Variants in G2E3 observed in about 807,000 individuals in gnomAD.
G2E3 encodes G2/M phase-specific E3 ubiquitin-protein ligase.
A neutral mutation model predicts 92.8 loss-of-function variants in G2E3; 35 were observed. The observed-to-expected ratio is 0.38, with a 90% CI of 0.29 to 0.50. The LOEUF (loss-of-function observed/expected upper bound fraction) is 0.50. Among genes scored for constraint, G2E3 ranks in the 20% least tolerant of loss-of-function variants. The pLI is 0.94. For synonymous variants in G2E3, 242 were observed against 272.4 expected (o/e 0.89, Z 1.10); for missense variants, 554 against 823.8 (o/e 0.67, Z 4.01).
At chr14:30,603,489 A>G (rs1371010303) in intron 10 of G2E3, among the ~76,000 whole-genome samples, 1 of 152,144 alleles carries the variant, frequency 6.6e-6, no homozygotes, top group African/African-American at 2.4e-5. Context: ...GCCTTGCTTT[A>G]CCCAATAGGG....
intron 3 of G2E3, among the ~76,000 whole-genome samples, chr14:30,588,028 T>C (rs992156787): frequency 3.9e-5 from 6 of 152,212 alleles, no homozygotes; most frequent in African/African-American, 1.4e-4. Flanking sequence ...TATTCCTTGG[T>C]CCTCTAAGAC....
intron 1 of G2E3, among the ~76,000 whole-genome samples, chr14:30,577,223 CAAAA>C (rs59757142): frequency 0.011 from 926 of 80,732 alleles, 14 homozygotes; most frequent in African/African-American, 0.035. Context: ...GACTCTGTCT[CAAAA>C]AAAAAAAAAA....
At chr14:30,568,728 A>G (rs896420510) in intron 1 of G2E3, among the ~76,000 whole-genome samples, 1 of 152,080 alleles carries the variant, frequency 6.6e-6, no homozygotes, top group Non-Finnish European at 1.5e-5. Flanking sequence ...TACATTTTAT[A>G]TTTTTTGCTT....
At chr14:30,590,506 CT>C (rs1880945211) in intron 4 of G2E3, 1 of 355,020 alleles carries the variant, frequency 2.8e-6, no homozygotes, top group South Asian at 2.2e-5. Context: ...TTTCCTGCCC[CT>C]GTCCATGTCC....
At chr14:30,582,970 T>A (rs1880515244) in intron 2 of G2E3, among the ~76,000 whole-genome samples, 1 of 152,220 alleles carries the variant, frequency 6.6e-6, no homozygotes, top group Non-Finnish European at 1.5e-5. Context: ...GCATGTATTA[T>A]TCAAGGTAAA....
intron 1 of G2E3, among the ~76,000 whole-genome samples, chr14:30,561,976 CAG>C (rs1234670025): frequency 1.3e-5 from 2 of 151,856 alleles, no homozygotes; most frequent in East Asian, 1.9e-4. Context: ...ATTATAGGCT[CAG>C]AGGACATTTC....
intron 1 of G2E3, chr14:30,560,971 T>C (rs1879064068): frequency 1.7e-6 from 1 of 601,174 alleles, no homozygotes; most frequent in African/African-American, 1.9e-5. Flanking sequence ...CACCACTTGA[T>C]AGCTAGGTGA....
At chr14:30,561,530 A>G (rs1879100676) in intron 1 of G2E3, among the ~76,000 whole-genome samples, 1 of 152,076 alleles carries the variant, frequency 6.6e-6, no homozygotes, top group Non-Finnish European at 1.5e-5. Context: ...GTCTCTTCCA[A>G]CCTGCTGATG....
At chr14:30,598,725 G>A (rs1307659484) in intron 8 of G2E3, 126 bp downstream of exon 8, 2 of 732,596 alleles carry the variant, frequency 2.7e-6, no homozygotes, top group Non-Finnish European at 4.9e-6. Flanking sequence ...TTGAGATGAG[G>A]GATATTTTCT....
intron 1 of G2E3, chr14:30,573,656 G>A (rs1054058114): frequency 6.6e-6 from 1 of 152,068 alleles, no homozygotes; most frequent in Non-Finnish European, 1.5e-5. Context: ...GAACACCAAG[G>A]ACAGAAGATT....
In G2E3 at chr14:30,615,463, T is replaced by C. The variant is rs774281755; in HGVS notation, c.1788T>C (p.Ser596=). The C allele has an allele frequency of 1.1e-5, 18 of 1,611,908 alleles. 1 individual carries two copies. In the South Asian group the frequency reaches 2.0e-4, roughly 18 times the overall value. The part of the protein sequence containing the change: ...KPESLSAKIL[S]ELFTVHTLPD... ...AGAGTCTTTCTGCAAAAATCCTTAG[T>C]GAGCTTTTTACAGTACACACATTAC... Residue 596 remains serine, a synonymous_variant, in exon 14 of 15, where the codon AGT becomes AGC. Transcript: ENST00000206595.
rs141911792 is a variant in G2E3 at position 30,580,555 on chromosome 14, G to T, written c.-4-521G>T. ...AAATACGAATGGCATGGCTATTGAT[G>T]ATGTGATTTTTCTTTTTTCCTAAAT... On this transcript the variant is annotated intron_variant, in intron 1 of 14. Coordinates refer to ENST00000206595, the MANE Select transcript of G2E3 (RefSeq NM_017769.5). Among the ~76,000 whole-genome samples, 1,238 of 152,260 alleles carry T rather than the reference G, an allele frequency of 8.1e-3. 11 individuals are homozygous for T. Among genetic ancestry groups the T allele is most frequent in the Middle Eastern group, 0.044 (13 of 294 alleles).
chr14:30,571,768 A>G (rs7146136), intron 1 of G2E3, among the ~76,000 whole-genome samples: 5,468 of 152,128 alleles, frequency 0.036, 141 homozygotes, highest in East Asian at 0.15. Flanking sequence ...ATTGAGCTAT[A>G]TATCTGACTT....
chr14:30,568,847 C>T (rs1017675821), intron 1 of G2E3, among the ~76,000 whole-genome samples: 6 of 151,848 alleles, frequency 4.0e-5, no homozygotes, highest in Admixed American at 2.0e-4. Context: ...TGCAATAATA[C>T]TACTGGCTTT....
chr14:30,580,536 G>T (rs75471738), intron 1 of G2E3, among the ~76,000 whole-genome samples: 3 of 152,100 alleles, frequency 2.0e-5, no homozygotes, highest in African/African-American at 7.2e-5. Context: ...GCACAAATAC[G>T]AATGGCATGG....
chr14:30,596,217 C>T (rs1881284065), intron 6 of G2E3, among the ~76,000 whole-genome samples: 1 of 151,758 alleles, frequency 6.6e-6, no homozygotes, highest in Admixed American at 6.6e-5. Flanking sequence ...TCTCTCTTCA[C>T]CATCCGTAAA....
intron 13 of G2E3, among the ~76,000 whole-genome samples, chr14:30,615,039 GTCTT>G (rs1882250121): frequency 2.0e-5 from 3 of 152,042 alleles, no homozygotes. Context: ...AGATTTTGAT[GTCTT>G]TCTTACTAAT....
intron 13 of G2E3, among the ~76,000 whole-genome samples, 153 bp downstream of exon 13, chr14:30,612,532 A>G (rs1320389350): frequency 1.3e-5 from 2 of 152,190 alleles, no homozygotes; most frequent in African/African-American, 4.8e-5. Context: ...AAGCCTTTTT[A>G]GGATGGTTAC....
Position 30,594,996 on chromosome 14 carries a change from G to A in G2E3, c.528+1357G>A, listed in dbSNP as rs375926632. Among the ~76,000 whole-genome samples the A allele has an allele frequency of 9.9e-5, 15 of 152,106 alleles. 1 individual carries two copies. Among genetic ancestry groups the A allele is most frequent in the African/African-American group, 3.6e-4 (15 of 41,512 alleles). ...ATACAAAAAAAAAAAAAATTAGCTGGGCGTGGTGGTGCACACCTGTGATCC... is the reference window on the plus strand; with the variant it reads ...ATACAAAAAAAAAAAAAATTAGCTGAGCGTGGTGGTGCACACCTGTGATCC... On this transcript the variant is annotated intron_variant, in intron 6 of 14. Coordinates refer to ENST00000206595, the MANE Select transcript of G2E3 (RefSeq NM_017769.5).
Sources: gnomAD v4.1 joint callset for allele counts (sites outside exome capture counted in the v4.1 genomes callset) on GRCh38, gnomAD v4.1.1 for gene constraint, MANE v1.5 for transcripts, NCBI Gene and HGNC (gene_info 2026-07-23, HGNC 2026-07-21) for gene names.